The following GAREM1 variants were observed in gnomAD, a reference collection of about 807,000 sequenced individuals.
GAREM1 encodes GRB2 associated regulator of MAPK1 subtype 1, also known as GRB2-associated and regulator of MAPK protein 1.
GAREM1 carries 26 observed loss-of-function variants against 71.3 expected under a neutral mutation model. The ratio of observed to expected loss-of-function variants is 0.36; its 90% confidence interval spans 0.27 to 0.51. The LOEUF is 0.51. Among genes scored for constraint, GAREM1 ranks in the 20% least tolerant of loss-of-function variants. GAREM1 has a pLI of 0.95. For synonymous variants in GAREM1, 440 were observed against 433.2 expected (o/e 1.02, Z -0.20); for missense variants, 1,026 against 1,103.1 (o/e 0.93, Z 0.99).
Position 32,279,022 on chromosome 18 carries a change from A to G in GAREM1, c.1566+8009T>C, listed in dbSNP as rs565029255. ...GTGGCAGGAGGGGCAAGTGGTTCTG[A>G]AAAGATGTACTTGTTTAACATTTAG... On this transcript the variant is annotated intron_variant, in intron 4 of 5. Transcript: ENST00000269209. Among the ~76,000 whole-genome samples, 393 of 152,324 alleles carry G rather than the reference A, an allele frequency of 2.6e-3. 1 individual carries two copies. The highest frequency in any genetic ancestry group is 9.0e-3 in the African/African-American group (375 of 41,574).
chr18:32,424,622 T>C (rs2144246120), intron 1 of GAREM1, among the ~76,000 whole-genome samples: 1 of 152,300 alleles, frequency 6.6e-6, no homozygotes, highest in South Asian at 2.1e-4. Context: ...ATTAACTATA[T>C]CAAGATACTG....
chr18:32,444,739 C>A (rs566083528), intron 1 of GAREM1, among the ~76,000 whole-genome samples: 15 of 152,248 alleles, frequency 9.9e-5, no homozygotes, highest in Non-Finnish European at 1.8e-4. Context: ...GATGAATTAA[C>A]CTAGTGCTAG....
At chr18:32,447,785 C>T (rs530872057) in intron 1 of GAREM1, among the ~76,000 whole-genome samples, 1 of 152,072 alleles carries the variant, frequency 6.6e-6, no homozygotes, top group Non-Finnish European at 1.5e-5. Flanking sequence ...GGCATGTTCA[C>T]AAAATTGGTT....
At position 32,287,759 on chromosome 18, in the gene GAREM1, T is replaced by C; in HGVS notation, c.838A>G (p.Thr280Ala). ...CGCAGCACACAGCAAACCACCACCG[T>C]CTTGGTCTGGATGTTCACAAACTTA... ...RYKFVNIQTK[T>A]VVVCCVLRNN... The change falls in exon 4 of 6, where the codon ACG becomes GCG. Residue 280 changes from threonine to alanine, a missense_variant. Physicochemically the swap from Thr to Ala is moderately conservative, Grantham distance 58. This residue lies in a region of GAREM1 where 218 missense variants were observed against 296.8 expected (regional missense o/e 0.73). Coordinates refer to ENST00000269209, the MANE Select transcript of GAREM1 (RefSeq NM_001242409.2). The surrounding 1 kb of genome is among the most constrained non-coding windows in gnomAD (Gnocchi z 5.9). 1 of 1,613,512 alleles carries C rather than the reference T, an allele frequency of 6.2e-7. No homozygotes were observed. Among genetic ancestry groups the C allele is most frequent in the Non-Finnish European group, 8.5e-7 (1 of 1,179,966 alleles).
chr18:32,434,992 T>G (rs1406857295), intron 1 of GAREM1, among the ~76,000 whole-genome samples: 1 of 152,144 alleles, frequency 6.6e-6, no homozygotes, highest in Non-Finnish European at 1.5e-5. Flanking sequence ...CCTAACACAA[T>G]GCACCGGGAA....
At chr18:32,466,901 A>T (rs2049004911) in intron 1 of GAREM1, among the ~76,000 whole-genome samples, 1 of 152,168 alleles carries the variant, frequency 6.6e-6, no homozygotes, top group South Asian at 2.1e-4. Flanking sequence ...TCTCCAGAAA[A>T]ACTTGTGGGG....
At chr18:32,468,478 T>A (rs891518249) in intron 1 of GAREM1, among the ~76,000 whole-genome samples, 1 of 152,192 alleles carries the variant, frequency 6.6e-6, no homozygotes, top group Non-Finnish European at 1.5e-5. Context: ...AAATTTACAA[T>A]GAAGAATTGG....
intron 2 of GAREM1, among the ~76,000 whole-genome samples, chr18:32,310,966 C>T (rs972506632): frequency 5.3e-5 from 8 of 152,164 alleles, no homozygotes; most frequent in East Asian, 1.9e-4. Context: ...CTGAGCCTGC[C>T]GGCCACTCAG....
chr18:32,460,073 A>C (rs537729592), intron 1 of GAREM1, among the ~76,000 whole-genome samples: 1 of 151,888 alleles, frequency 6.6e-6, no homozygotes, highest in Non-Finnish European at 1.5e-5. Flanking sequence ...TTTCATTTCT[A>C]ACATCCTAAA....
At chr18:32,334,464 T>C (rs2047569009) in intron 2 of GAREM1, among the ~76,000 whole-genome samples, 1 of 152,034 alleles carries the variant, frequency 6.6e-6, no homozygotes, top group Non-Finnish European at 1.5e-5. Context: ...GGGGGGAGGA[T>C]GGACAAGCGA....
Position 32,370,225 on chromosome 18 carries a change from C to T in GAREM1, c.262+22670G>A, listed in dbSNP as rs927622462. Among the ~76,000 whole-genome samples the T allele has an allele frequency of 3.9e-5, 6 of 152,060 alleles. No individual in the cohort carries two copies. In the South Asian group the frequency reaches 8.3e-4, roughly 21 times the overall value. ...AGGCCGGCGGAACACAAGGTCAGAT[C>T]GAGACCATCCTGGCCAACATAGTGA... On this transcript the variant is annotated intron_variant, in intron 2 of 5. Transcript: ENST00000269209.
At chr18:32,295,284 T>C (rs2047129498) in intron 3 of GAREM1, among the ~76,000 whole-genome samples, 1 of 152,182 alleles carries the variant, frequency 6.6e-6, no homozygotes, top group Admixed American at 6.5e-5. Flanking sequence ...AATAGATTCC[T>C]AAATATTAAA....
At chr18:32,315,489 T>C (rs1184900798) in intron 2 of GAREM1, among the ~76,000 whole-genome samples, 1 of 147,078 alleles carries the variant, frequency 6.8e-6, no homozygotes, top group African/African-American at 2.5e-5. Context: ...TAGATATATA[T>C]AAAATATATA....
At chr18:32,408,452 G>A (rs1272339994) in intron 1 of GAREM1, among the ~76,000 whole-genome samples, 6 of 152,208 alleles carry the variant, frequency 3.9e-5, no homozygotes, top group African/African-American at 1.4e-4. Context: ...AAAACAATGA[G>A]TGCCTTTATA....
chr18:32,427,207 T>C (rs2048584163), intron 1 of GAREM1, among the ~76,000 whole-genome samples: 1 of 152,178 alleles, frequency 6.6e-6, no homozygotes, highest in South Asian at 2.1e-4. Context: ...GACTTTTCAC[T>C]GGGGAAGTTA....
intron 2 of GAREM1, among the ~76,000 whole-genome samples, chr18:32,384,194 C>T (rs1177888054): frequency 6.6e-6 from 1 of 152,260 alleles, no homozygotes; most frequent in East Asian, 1.9e-4. Flanking sequence ...AATCAGGTTT[C>T]CATAAGAAGC....
chr18:32,363,989 T>TATACAC (rs2047892994), intron 2 of GAREM1, among the ~76,000 whole-genome samples: 8 of 48,230 alleles, frequency 1.7e-4, no homozygotes, highest in African/African-American at 8.1e-4. Context: ...CATAAATACA[T>TATACAC]ATATACATAT....
At chr18:32,446,240 G>GTGTGTC (rs1368170494) in intron 1 of GAREM1, among the ~76,000 whole-genome samples, 14 of 148,734 alleles carry the variant, frequency 9.4e-5, no homozygotes, top group African/African-American at 3.5e-4. Context: ...GTGTGTGTGT[G>GTGTGTC]TGTGTGTGTG....
intron 3 of GAREM1, 101 bp from the exon 4 acceptor site, chr18:32,288,304 G>T: frequency 2.2e-6 from 2 of 916,684 alleles, no homozygotes; most frequent in South Asian, 1.9e-5. Context: ...AGAGGAAAAT[G>T]CTGCGCTTTT....
Sources: allele counts gnomAD v4.1 joint callset (sites outside exome capture counted in the v4.1 genomes callset), GRCh38; gene constraint gnomAD v4.1.1; regional missense constraint gnomAD v4.1.1; non-coding constraint Gnocchi (gnomAD v3.1); transcripts MANE v1.5; gene names NCBI Gene and HGNC (gene_info 2026-07-23, HGNC 2026-07-21).